The following UNC5D variants were observed in gnomAD, a reference collection of about 807,000 sequenced individuals.
The protein encoded by UNC5D is unc-5 netrin receptor D.
In UNC5D, 39 loss-of-function variants were observed where a neutral mutation model predicts 105.4. The ratio of observed to expected loss-of-function variants is 0.37; its 90% CI spans 0.29 to 0.48. The LOEUF is 0.48. Ranked by LOEUF, UNC5D falls within the 20% of genes least tolerant of loss-of-function variation. The pLI, the probability that UNC5D is intolerant of heterozygous loss-of-function variation, is 0.98. For missense variants in UNC5D, 991 were observed against 1,202.4 expected (o/e 0.82, Z 2.60); for synonymous variants, 452 against 450.4 (o/e 1.00, Z -0.04).
chr8:35,438,060 A>G (rs1807141076), intron 1 of UNC5D, among the ~76,000 whole-genome samples: 1 of 151,850 alleles, frequency 6.6e-6, no homozygotes, highest in African/African-American at 2.4e-5. Context: ...TTTTAAATCT[A>G]TTTGGAAGCC....
At chr8:35,707,971 G>A (rs771772881) in intron 8 of UNC5D, among the ~76,000 whole-genome samples, 2 of 152,140 alleles carry the variant, frequency 1.3e-5, no homozygotes, top group East Asian at 3.9e-4. Context: ...GAATCCAATC[G>A]GGGTTCTGTA....
At chr8:35,556,427 G>C (rs1816554743) in intron 2 of UNC5D, among the ~76,000 whole-genome samples, 1 of 152,096 alleles carries the variant, frequency 6.6e-6, no homozygotes, top group South Asian at 2.1e-4. Context: ...TACAGAAAAG[G>C]GGTCCTGATC....
Position 35,677,861 on chromosome 8 carries a change from G to A in UNC5D, c.571-5686G>A, listed in dbSNP as rs528284358. On this transcript the variant is annotated intron_variant, in intron 4 of 16. Transcript: ENST00000404895. ...TGTCATTTCCATGAGAAAGCCATGA[G>A]AGTAGGTTTTTATAGGGTGTGTGAG... Among the ~76,000 whole-genome samples the A allele has an allele frequency of 5.3e-5, 8 of 151,768 alleles. No homozygotes were observed. In the East Asian group the frequency reaches 1.4e-3, roughly 26 times the overall value.
At chr8:35,659,759 T>C (rs748764641) in intron 4 of UNC5D, among the ~76,000 whole-genome samples, 34 of 152,344 alleles carry the variant, frequency 2.2e-4, no homozygotes, top group Admixed American at 7.2e-4. Flanking sequence ...TCTGTATTGC[T>C]GATGTCATTG....
intron 9 of UNC5D, among the ~76,000 whole-genome samples, 180 bp from the exon 10 acceptor site, chr8:35,725,972 C>T (rs1828840611): frequency 1.3e-5 from 2 of 152,158 alleles, no homozygotes. Context: ...GAAGCCAGGG[C>T]TCTTGATTCA....
intron 1 of UNC5D, among the ~76,000 whole-genome samples, chr8:35,265,439 C>A (rs1804794562): frequency 6.6e-6 from 1 of 152,104 alleles, no homozygotes; most frequent in African/African-American, 2.4e-5. Flanking sequence ...CAGCTATAGA[C>A]AATCCATTAA....
chr8:35,451,479 G>A (rs925912115), intron 1 of UNC5D, among the ~76,000 whole-genome samples: 7 of 152,104 alleles, frequency 4.6e-5, no homozygotes, highest in African/African-American at 1.2e-4. Context: ...AAAGTGGTGG[G>A]CATTGTTATC....
chr8:35,248,818 T>C (rs1386289362), intron 1 of UNC5D, among the ~76,000 whole-genome samples: 1 of 96,972 alleles, frequency 1.0e-5, no homozygotes, highest in African/African-American at 4.3e-5. Context: ...ATATAATATA[T>C]ATAATATTTA....
intron 1 of UNC5D, among the ~76,000 whole-genome samples, chr8:35,409,468 G>A (rs1212207033): frequency 1.3e-5 from 2 of 149,136 alleles, no homozygotes; most frequent in Admixed American, 1.3e-4. Flanking sequence ...GGTTTCTCAT[G>A]GTTTTAACTT....
chr8:35,493,281 C>CAAAAAAAAAAAA (rs35199794), intron 1 of UNC5D, among the ~76,000 whole-genome samples: 2 of 67,144 alleles, frequency 3.0e-5, no homozygotes, highest in Non-Finnish European at 2.9e-5. Context: ...AGTCTGTGAC[C>CAAAAAAAAAAAA]AAAAAAAAAA....
At chr8:35,301,637 C>T (rs1168749338) in intron 1 of UNC5D, among the ~76,000 whole-genome samples, 1 of 152,120 alleles carries the variant, frequency 6.6e-6, no homozygotes, top group East Asian at 1.9e-4. Context: ...TGAAATATGG[C>T]TGTTACAAAA....
chr8:35,430,848 T>G (rs1305266905), intron 1 of UNC5D, among the ~76,000 whole-genome samples: 3 of 152,140 alleles, frequency 2.0e-5, no homozygotes, highest in African/African-American at 7.2e-5. Context: ...AGAGTAAGAG[T>G]GCAGAGTGAC....
chr8:35,665,646 T>TA (rs1323657128), intron 4 of UNC5D, among the ~76,000 whole-genome samples: 1 of 151,620 alleles, frequency 6.6e-6, no homozygotes, highest in African/African-American at 2.4e-5. Context: ...TGCCATTTTT[T>TA]TTTTTTTTTT....
intron 1 of UNC5D, among the ~76,000 whole-genome samples, chr8:35,244,610 T>C (rs2128804142): frequency 6.6e-6 from 1 of 152,260 alleles, no homozygotes; most frequent in African/African-American, 2.4e-5. Flanking sequence ...GTAATTGATG[T>C]GTAGAATATT....
chr8:35,738,455 G>A (rs1829585716), intron 11 of UNC5D, among the ~76,000 whole-genome samples: 1 of 152,142 alleles, frequency 6.6e-6, no homozygotes, highest in Non-Finnish European at 1.5e-5. Context: ...GAAGTACATG[G>A]AATTTGCTTT....
chr8:35,258,148 G>A (rs1563255911), intron 1 of UNC5D, among the ~76,000 whole-genome samples: 1 of 152,154 alleles, frequency 6.6e-6, no homozygotes, highest in East Asian at 1.9e-4. Flanking sequence ...CTTTCTTGCT[G>A]CATCGTCACA....
intron 8 of UNC5D, among the ~76,000 whole-genome samples, chr8:35,709,614 C>T (rs774906915): frequency 5.9e-5 from 9 of 152,072 alleles, no homozygotes; most frequent in Non-Finnish European, 8.8e-5. Flanking sequence ...CACTTGAAGC[C>T]GGGAGGTGGA....
At chr8:35,706,126 A>G (rs1405373116) in intron 8 of UNC5D, among the ~76,000 whole-genome samples, 165 bp downstream of exon 8, 1 of 152,180 alleles carries the variant, frequency 6.6e-6, no homozygotes, top group Non-Finnish European at 1.5e-5. Context: ...TTTAAATCCA[A>G]AAGAAATATG....
chr8:35,238,798 A>G (rs1165517223), intron 1 of UNC5D, among the ~76,000 whole-genome samples: 1 of 152,210 alleles, frequency 6.6e-6, no homozygotes, highest in African/African-American at 2.4e-5. Context: ...TGGCAAGAGA[A>G]GTACACATTT....
Sources: allele counts gnomAD v4.1 joint callset (sites outside exome capture counted in the v4.1 genomes callset), GRCh38; gene constraint gnomAD v4.1.1; transcripts MANE v1.5; gene names NCBI Gene and HGNC (gene_info 2026-07-23, HGNC 2026-07-21).